Variants in RHOBTB1 observed in about 807,000 individuals in gnomAD.
RHOBTB1 encodes rho-related BTB domain-containing protein 1.
Under a neutral mutation model 71.6 loss-of-function variants are expected in RHOBTB1, and 40 were observed. The ratio of observed to expected loss-of-function variants is 0.56; its 90% CI spans 0.43 to 0.73. The LOEUF (loss-of-function observed/expected upper bound fraction) is 0.73. RHOBTB1 is among the 30% of genes least tolerant of loss of function. The pLI, the probability that RHOBTB1 is intolerant of heterozygous loss-of-function variation, is 0.00. For synonymous variants in RHOBTB1, 319 were observed against 334.9 expected (o/e 0.95, Z 0.52); for missense variants, 797 against 894.0 (o/e 0.89, Z 1.38).
At chr10:60,975,368 A>G (rs575231252) in intron 2 of RHOBTB1, among the ~76,000 whole-genome samples, 1 of 152,180 alleles carries the variant, frequency 6.6e-6, no homozygotes, top group Admixed American at 6.6e-5. Context: ...TGTCCTATCA[A>G]TTGTTGGAAA....
chr10:60,944,796 T>C (rs1024931631), upstream of RHOBTB1, among the ~76,000 whole-genome samples: 2 of 152,180 alleles, frequency 1.3e-5, no homozygotes, highest in African/African-American at 4.8e-5. Context: ...CGGCTGCACG[T>C]GCTGGCTGGC....
chr10:60,884,477 C>T (rs2081473882), intron 7 of RHOBTB1, among the ~76,000 whole-genome samples: 1 of 152,106 alleles, frequency 6.6e-6, no homozygotes, highest in South Asian at 2.1e-4. Flanking sequence ...GTTAGAAGTG[C>T]TTGAATTGAA....
chr10:60,902,063 G>A (rs1380820567), intron 4 of RHOBTB1, among the ~76,000 whole-genome samples: 1 of 152,172 alleles, frequency 6.6e-6, no homozygotes, highest in Non-Finnish European at 1.5e-5. Flanking sequence ...TTTCATCCTG[G>A]GGACAAGGCT....
At chr10:60,918,489 C>T (rs2083386313) in intron 2 of RHOBTB1, among the ~76,000 whole-genome samples, 1 of 152,212 alleles carries the variant, frequency 6.6e-6, no homozygotes, top group African/African-American at 2.4e-5. Context: ...ACTCAGGGCA[C>T]TGTGGCTGAT....
downstream of RHOBTB1, among the ~76,000 whole-genome samples, chr10:60,868,894 G>A (rs149414839): frequency 7.5e-4 from 114 of 152,298 alleles, no homozygotes; most frequent in African/African-American, 2.4e-3. Context: ...TCTTACAGTG[G>A]TCAGCACCTT....
intron 1 of RHOBTB1, among the ~76,000 whole-genome samples, chr10:60,996,690 T>C (rs2135029815): frequency 6.6e-6 from 1 of 152,318 alleles, no homozygotes; most frequent in South Asian, 2.1e-4. Context: ...TCAGCACCCT[T>C]ACTTCTAGAA....
At chr10:60,997,930 G>A (rs2087114208) in intron 1 of RHOBTB1, among the ~76,000 whole-genome samples, 1 of 152,188 alleles carries the variant, frequency 6.6e-6, no homozygotes, top group Admixed American at 6.5e-5. Flanking sequence ...CTGTTTATAA[G>A]TCAGAAGGCT....
intron 6 of RHOBTB1, 59 bp downstream of exon 6, chr10:60,888,153 C>T: frequency 6.5e-7 from 1 of 1,546,294 alleles, no homozygotes; most frequent in South Asian, 1.3e-5. Context: ...TCATGTCTGG[C>T]TAACGTTCAA....
intron 2 of RHOBTB1, among the ~76,000 whole-genome samples, chr10:60,966,777 T>G (rs2085976041): frequency 6.6e-6 from 1 of 151,834 alleles, no homozygotes; most frequent in Non-Finnish European, 1.5e-5. Context: ...CATGTTGGTG[T>G]GCTGCACCCA....
downstream of RHOBTB1, among the ~76,000 whole-genome samples, chr10:60,864,675 TTA>T (rs1167143632): frequency 6.6e-6 from 1 of 152,100 alleles, no homozygotes; most frequent in African/African-American, 2.4e-5. Context: ...AGATGACTAC[TTA>T]TTTTATTTTA....
intron 4 of RHOBTB1, among the ~76,000 whole-genome samples, chr10:60,910,309 A>G (rs1361509534): frequency 1.3e-5 from 2 of 152,154 alleles, no homozygotes; most frequent in Non-Finnish European, 2.9e-5. Flanking sequence ...TCCCATTACT[A>G]GATTTTTTTC....
At position 60,922,326 on chromosome 10, in the gene RHOBTB1, C is replaced by T. The variant is rs575956907; in HGVS notation, c.-10-10774G>A. Among the ~76,000 whole-genome samples, 6 of 152,296 alleles carry T rather than the reference C, an allele frequency of 3.9e-5. No homozygotes were observed. In the East Asian group the frequency reaches 7.7e-4, roughly 20 times the overall value. ...GAGCCACACCACAAAATGCAATTAG[C>T]TGCACTTCAAGGCAAGATGGCAATG... On this transcript the variant is annotated intron_variant, in intron 2 of 10. Transcript: ENST00000337910.
chr10:60,887,636 G>A (rs1264539943), intron 6 of RHOBTB1, among the ~76,000 whole-genome samples: 3 of 152,196 alleles, frequency 2.0e-5, no homozygotes, highest in African/African-American at 4.8e-5. Flanking sequence ...GCATGAGGAC[G>A]GAAAAGGAGA....
At chr10:60,925,332 T>C (rs73266017) in intron 2 of RHOBTB1, among the ~76,000 whole-genome samples, 9,875 of 152,268 alleles carry the variant, frequency 0.065, 573 homozygotes, top group African/African-American at 0.15. Flanking sequence ...CCTGAATGAA[T>C]GTTGAGTCAT....
upstream of RHOBTB1, among the ~76,000 whole-genome samples, chr10:60,944,935 G>A (rs559517656): frequency 6.6e-6 from 1 of 152,350 alleles, no homozygotes; most frequent in South Asian, 2.1e-4. Context: ...GGCTGAGTGA[G>A]GAGGTGAAAT....
Position 60,921,096 on chromosome 10 carries a change from C to A in RHOBTB1, c.-10-9544G>T, listed in dbSNP as rs544678025. Among the ~76,000 whole-genome samples, 10 of 151,934 alleles carry A rather than the reference C, an allele frequency of 6.6e-5. No individual in the cohort carries two copies. The South Asian group carries it at 2.1e-3, about 32-fold the overall frequency. On this transcript the variant is annotated intron_variant, in intron 2 of 10. Transcript: ENST00000337910. ...CCTGAGTAGCTGGGATTACTGGCACCCACCATCATGCCTGGCTAATTTTTG... is the reference window on the plus strand; with the variant it reads ...CCTGAGTAGCTGGGATTACTGGCACACACCATCATGCCTGGCTAATTTTTG...
chr10:60,949,184 C>T (rs1589402656), upstream of RHOBTB1, among the ~76,000 whole-genome samples: 1 of 152,150 alleles, frequency 6.6e-6, no homozygotes, highest in Non-Finnish European at 1.5e-5. Flanking sequence ...CTCAAGTATT[C>T]CTGCTAAAGT....
At chr10:60,926,918 T>C (rs1298674345) in intron 2 of RHOBTB1, among the ~76,000 whole-genome samples, 1 of 152,148 alleles carries the variant, frequency 6.6e-6, no homozygotes, top group African/African-American at 2.4e-5. Context: ...GACATTCAAA[T>C]TGTAATGGAA....
chr10:60,871,067 AT>A lies in RHOBTB1; in HGVS notation c.*414del, dbSNP rs1228974471. ...GAATCACAGGGTGACTTCATAATCA[AT>A]TGTGGCCTGTAAAATAAAGTAATAC... On this transcript the variant is annotated 3_prime_UTR_variant, in exon 11 of 11. Coordinates refer to ENST00000337910, the MANE Select transcript of RHOBTB1 (RefSeq NM_014836.5). 6.4e-6 allele frequency: 1 copy of A among 155,610 alleles called. No individual in the cohort carries two copies. Among genetic ancestry groups the A allele is most frequent in the African/African-American group, 2.4e-5 (1 of 41,574 alleles). 9.6% of individuals were successfully genotyped at this position (155,610 alleles called of 1,614,324 possible).
Sources: allele counts gnomAD v4.1 joint callset (sites outside exome capture counted in the v4.1 genomes callset), GRCh38; gene constraint gnomAD v4.1.1; transcripts MANE v1.5; gene names NCBI Gene and HGNC (gene_info 2026-07-23, HGNC 2026-07-21).